The following EFL1 variants were observed in gnomAD, a reference collection of about 807,000 sequenced individuals.
EFL1 encodes elongation factor like GTPase 1, also known as elongation factor-like GTPase 1.
EFL1 carries 76 observed loss-of-function variants against 126.7 expected under a neutral mutation model. The observed-to-expected ratio is 0.60, with a 90% CI of 0.50 to 0.73. The LOEUF is 0.73. Ranked by LOEUF, EFL1 falls within the 30% of genes least tolerant of loss-of-function variation. The pLI is 0.00. For missense variants in EFL1, 1,128 were observed against 1,343.2 expected (o/e 0.84, Z 2.50); for synonymous variants, 410 against 448.4 (o/e 0.91, Z 1.08).
intron 6 of EFL1, among the ~76,000 whole-genome samples, chr15:82,239,597 A>G (rs1171428168): frequency 6.6e-6 from 1 of 152,234 alleles, no homozygotes; most frequent in Non-Finnish European, 1.5e-5. Flanking sequence ...CACGCACGGC[A>G]TATCAGGTTC....
chr15:82,192,401 C>T (rs1011332729), intron 15 of EFL1, among the ~76,000 whole-genome samples: 12 of 86,200 alleles, frequency 1.4e-4, no homozygotes, highest in Non-Finnish European at 2.5e-4. Flanking sequence ...AATTCCGTCT[C>T]AAAAAAAAAA....
chr15:82,253,695 T>C (rs1463130165), intron 3 of EFL1, among the ~76,000 whole-genome samples: 8 of 152,178 alleles, frequency 5.3e-5, no homozygotes, highest in Non-Finnish European at 8.8e-5. Context: ...TTTGAATACA[T>C]CTTTTTTAAA....
At chr15:82,167,741 C>T (rs1430209136) in intron 15 of EFL1, among the ~76,000 whole-genome samples, 2 of 152,096 alleles carry the variant, frequency 1.3e-5, no homozygotes, top group African/African-American at 4.8e-5. Flanking sequence ...ACAGAATTAC[C>T]ATCTTCAGGC....
At chr15:82,223,838 C>T (rs758693828) in intron 12 of EFL1, among the ~76,000 whole-genome samples, 1 of 152,196 alleles carries the variant, frequency 6.6e-6, no homozygotes, top group Admixed American at 6.5e-5. Flanking sequence ...CTCATTCACC[C>T]ATTCACTGAC....
chr15:82,157,667 T>C (rs772210380), intron 17 of EFL1, 46 bp downstream of exon 17: 6 of 1,571,102 alleles, frequency 3.8e-6, no homozygotes, highest in East Asian at 2.3e-5. Context: ...AAACATCCCA[T>C]TGATTGAGAG....
chr15:82,174,893 T>C (rs16973453), intron 15 of EFL1, among the ~76,000 whole-genome samples: 56,553 of 152,102 alleles, frequency 0.37, 11,770 homozygotes, highest in African/African-American at 0.56. Context: ...ATTATGGAAT[T>C]TGGAGGGTCC....
Position 82,225,225 on chromosome 15 carries a change from A to G in EFL1, c.1232T>C (p.Ile411Thr), listed in dbSNP as rs775430621. ...KCGSEDTAPV[I>T]IFVSKMFAVD... Reference sequence around the variant, plus strand: ...TGCAAACATTTTGGAAACAAATATAATAACTGGAGCAGTGTCCTCACTTCC... The same window carrying G: ...TGCAAACATTTTGGAAACAAATATAGTAACTGGAGCAGTGTCCTCACTTCC... Residue 411 changes from isoleucine (I) to threonine (T), a missense_variant, in exon 12 of 20, where the codon ATT becomes ACT. Physicochemically the swap from Ile to Thr is moderately conservative, Grantham distance 89 (BLOSUM62 -1). Transcript: ENST00000268206. 1 of 1,613,006 alleles carries G rather than the reference A, an allele frequency of 6.2e-7. No homozygotes were observed. Among genetic ancestry groups the G allele is most frequent in the Non-Finnish European group, 8.5e-7 (1 of 1,179,694 alleles).
At chr15:82,193,795 C>T (rs1234480737) in intron 15 of EFL1, among the ~76,000 whole-genome samples, 1 of 152,154 alleles carries the variant, frequency 6.6e-6, no homozygotes, top group Non-Finnish European at 1.5e-5. Flanking sequence ...ATACACATGG[C>T]TCAATCAATT....
intron 18 of EFL1, among the ~76,000 whole-genome samples, chr15:82,144,632 A>G (rs1214594845): frequency 6.6e-6 from 1 of 152,226 alleles, no homozygotes; most frequent in Non-Finnish European, 1.5e-5. Flanking sequence ...CATGCAGCTC[A>G]TTAAATCTTT....
At chr15:82,187,947 C>A (rs1477262776) in intron 15 of EFL1, among the ~76,000 whole-genome samples, 1 of 152,030 alleles carries the variant, frequency 6.6e-6, no homozygotes, top group African/African-American at 2.4e-5. Flanking sequence ...AAAAACAGCC[C>A]TGTGTTTCCA....
At chr15:82,178,891 C>G (rs2074220935) in intron 15 of EFL1, among the ~76,000 whole-genome samples, 1 of 152,030 alleles carries the variant, frequency 6.6e-6, no homozygotes, top group East Asian at 1.9e-4. Flanking sequence ...CCTATAATCC[C>G]AGAATTTTGG....
chr15:82,218,894 A>C (rs941579983), intron 14 of EFL1, among the ~76,000 whole-genome samples: 6 of 152,126 alleles, frequency 3.9e-5, no homozygotes, highest in African/African-American at 1.4e-4. Flanking sequence ...CTTGTAGCCA[A>C]GTACCACAGC....
chr15:82,216,743 AAG>A (rs1031821370), intron 14 of EFL1, among the ~76,000 whole-genome samples: 19 of 152,178 alleles, frequency 1.2e-4, no homozygotes, highest in African/African-American at 4.6e-4. Context: ...AAGAAAACAT[AAG>A]AGAGTTTTGT....
At chr15:82,208,066 T>G (rs1030822411) in intron 15 of EFL1, among the ~76,000 whole-genome samples, 4 of 152,218 alleles carry the variant, frequency 2.6e-5, no homozygotes, top group African/African-American at 9.6e-5. Flanking sequence ...TACACTATAC[T>G]GAAAGTCATC....
intron 15 of EFL1, among the ~76,000 whole-genome samples, chr15:82,186,986 T>A (rs1423095619): frequency 6.6e-6 from 1 of 151,996 alleles, no homozygotes; most frequent in Non-Finnish European, 1.5e-5. Flanking sequence ...TCTAGAGGTA[T>A]GTTGTTTGTC....
intron 15 of EFL1, 143 bp from the exon 16 acceptor site, chr15:82,164,127 T>C (rs1295548835): frequency 2.0e-6 from 2 of 1,024,356 alleles, no homozygotes; most frequent in East Asian, 2.7e-5. Context: ...GGACCTGCAC[T>C]GTTTTTTTTT....
intron 7 of EFL1, chr15:82,233,524 A>T (rs1354030032): frequency 6.6e-6 from 1 of 152,174 alleles, no homozygotes; most frequent in Non-Finnish European, 1.5e-5. Context: ...TAATTACAGA[A>T]TTCTAATACT....
chr15:82,224,520 G>A (rs2074742056), intron 12 of EFL1, among the ~76,000 whole-genome samples: 2 of 152,180 alleles, frequency 1.3e-5, no homozygotes, highest in African/African-American at 2.4e-5. Context: ...CTTCATAGCT[G>A]AGTCTTATAA....
intron 15 of EFL1, among the ~76,000 whole-genome samples, chr15:82,202,450 C>T (rs2074479211): frequency 6.6e-6 from 1 of 152,064 alleles, no homozygotes; most frequent in Admixed American, 6.5e-5. Context: ...TATAATATTT[C>T]CCAAGGAAAT....
Sources: gnomAD v4.1 joint callset for allele counts (sites outside exome capture counted in the v4.1 genomes callset) on GRCh38, gnomAD v4.1.1 for gene constraint, MANE v1.5 for transcripts, NCBI Gene and HGNC (gene_info 2026-07-23, HGNC 2026-07-21) for gene names.